Variants in FRAS1 observed in about 807,000 individuals in gnomAD.
The protein encoded by FRAS1 is extracellular matrix organizing protein FRAS1.
Under a neutral mutation model 435.2 loss-of-function variants are expected in FRAS1, and 290 were observed. That is an observed-to-expected ratio of 0.67 (90% CI 0.61 to 0.73). The LOEUF is 0.73. Among genes scored for constraint, FRAS1 ranks in the 30% least tolerant of loss-of-function variants. The pLI is 0.00. For missense variants in FRAS1, 4,860 were observed against 5,001.5 expected (o/e 0.97, Z 0.85); for synonymous variants, 1,800 against 1,851.0 (o/e 0.97, Z 0.71).
intron 9 of FRAS1, among the ~76,000 whole-genome samples, chr4:78,270,663 G>A (rs1726631095): frequency 6.6e-6 from 1 of 151,724 alleles, no homozygotes; most frequent in Admixed American, 6.6e-5. Context: ...TCTCTCATGT[G>A]TTTTGTCTTT....
chr4:78,160,160 A>G (rs1721078277), intron 2 of FRAS1, among the ~76,000 whole-genome samples: 1 of 152,226 alleles, frequency 6.6e-6, no homozygotes, highest in African/African-American at 2.4e-5. Context: ...TTAATGAGGA[A>G]AAAGGCAAGA....
chr4:78,109,733 T>C (rs1355106240), intron 2 of FRAS1, among the ~76,000 whole-genome samples: 1 of 50,430 alleles, frequency 2.0e-5, no homozygotes, highest in East Asian at 4.7e-4. Flanking sequence ...CAACATAGTG[T>C]TGGAAGTTCT....
intron 2 of FRAS1, among the ~76,000 whole-genome samples, chr4:78,120,000 T>G (rs1432731318): frequency 1.3e-5 from 2 of 152,212 alleles, no homozygotes; most frequent in Non-Finnish European, 2.9e-5. Flanking sequence ...TGAAACAGAA[T>G]TGTAAAATAT....
At chr4:78,178,864 C>T (rs999100325) in intron 2 of FRAS1, among the ~76,000 whole-genome samples, 1 of 152,132 alleles carries the variant, frequency 6.6e-6, no homozygotes, top group African/African-American at 2.4e-5. Flanking sequence ...AAATAGGATA[C>T]TGTATGTGGA....
At position 78,464,056 on chromosome 4, in the gene FRAS1, ACTT is replaced by A; in HGVS notation, c.6801_6803del (p.Ser2268del). The A allele has an allele frequency of 3.7e-6, 6 of 1,613,562 alleles. No individual in the cohort carries two copies. The highest frequency in any genetic ancestry group is 5.1e-6 in the Non-Finnish European group (6 of 1,179,792). ...TAGTTCCTTTACTCAAGCTGATCTG[ACTT>A]CACGAAATGTTCAGTATGTCCATTC... On this transcript the variant is annotated inframe_deletion, in exon 48 of 74. Transcript: ENST00000512123.
chr4:78,419,103 A>G (rs753525383), intron 33 of FRAS1, 40 bp downstream of exon 33: 2 of 1,172,730 alleles, frequency 1.7e-6, no homozygotes, highest in Non-Finnish European at 2.4e-6. Context: ...TGATATTATT[A>G]TCTTCTAGTT....
chr4:78,484,305 G>A (rs760749018), intron 58 of FRAS1, among the ~76,000 whole-genome samples: 17 of 152,054 alleles, frequency 1.1e-4, no homozygotes, highest in Non-Finnish European at 2.1e-4. Flanking sequence ...ATGACATTTG[G>A]GTTGTTCAAG....
At chr4:78,310,943 G>T (rs1014257325) in intron 15 of FRAS1, among the ~76,000 whole-genome samples, 1 of 152,208 alleles carries the variant, frequency 6.6e-6, no homozygotes, top group African/African-American at 2.4e-5. Flanking sequence ...ATGAAGGGTG[G>T]TATGCCCTGG....
intron 54 of FRAS1, among the ~76,000 whole-genome samples, chr4:78,476,702 C>A (rs1719861881): frequency 6.6e-6 from 1 of 152,166 alleles, no homozygotes; most frequent in African/African-American, 2.4e-5. Flanking sequence ...TCAGTGTATT[C>A]TAGATCTTAC....
intron 70 of FRAS1, among the ~76,000 whole-genome samples, chr4:78,529,475 C>G (rs1721647000): frequency 5.9e-5 from 9 of 152,150 alleles, no homozygotes; most frequent in Admixed American, 5.9e-4. Flanking sequence ...CATACTCCCT[C>G]TCTCTTCCCC....
chr4:78,226,506 G>T, intron 2 of FRAS1, among the ~76,000 whole-genome samples: 1 of 149,910 alleles, frequency 6.7e-6, no homozygotes. Flanking sequence ...TTAAAGATTT[G>T]TCTTCTGAGT....
At position 78,110,386 on chromosome 4, in the gene FRAS1, C is replaced by A. The variant is rs1364137232; in HGVS notation, c.108+44370C>A. ...CTACAGTAACCAAAACAGCATGGTA[C>A]TGGTACCAAAACAGAGATATAGATC... On this transcript the variant is annotated intron_variant, in intron 2 of 73. Transcript: ENST00000512123. Among the ~76,000 whole-genome samples, 15 of 125,620 alleles carry A rather than the reference C, an allele frequency of 1.2e-4. 1 individual carries two copies. The highest frequency in any genetic ancestry group is 4.9e-4 in the African/African-American group (15 of 30,692). The allele number at this position is 125,620 out of a possible 152,430, so 82.4% of individuals were successfully genotyped here.
At chr4:78,490,247 T>TGAGACAGA (rs1720308512) in intron 59 of FRAS1, among the ~76,000 whole-genome samples, 3 of 152,100 alleles carry the variant, frequency 2.0e-5, no homozygotes, top group African/African-American at 7.2e-5. Flanking sequence ...GACAGATCAA[T>TGAGACAGA]GAGACAGAAA....
chr4:78,195,810 A>G (rs1722785510), intron 2 of FRAS1, among the ~76,000 whole-genome samples: 1 of 152,082 alleles, frequency 6.6e-6, no homozygotes, highest in African/African-American at 2.4e-5. Flanking sequence ...CTCCCCAGTG[A>G]GATGCACCTG....
chr4:78,450,800 A>T (rs1045611933), intron 45 of FRAS1, among the ~76,000 whole-genome samples: 8 of 152,204 alleles, frequency 5.3e-5, no homozygotes, highest in African/African-American at 1.7e-4. Context: ...ATTACATGGC[A>T]CATCCCTCCA....
intron 67 of FRAS1, 21 bp downstream of exon 67, chr4:78,519,502 A>C: frequency 1.2e-6 from 2 of 1,601,914 alleles, no homozygotes; most frequent in Non-Finnish European, 1.7e-6. Flanking sequence ...TGACGCCTTA[A>C]CTATCCCTTT....
intron 26 of FRAS1, among the ~76,000 whole-genome samples, chr4:78,377,290 A>T (rs1731808394): frequency 6.6e-6 from 1 of 152,136 alleles, no homozygotes. Context: ...CATGGGAAAA[A>T]ATATTTTTGG....
intron 2 of FRAS1, among the ~76,000 whole-genome samples, chr4:78,218,197 C>T (rs1723886313): frequency 6.8e-6 from 1 of 147,360 alleles, no homozygotes; most frequent in South Asian, 2.2e-4. Context: ...CCTGGTTTCT[C>T]CTCTCTTGGA....
chr4:78,212,413 A>G (rs936667880), intron 2 of FRAS1, among the ~76,000 whole-genome samples: 3 of 152,128 alleles, frequency 2.0e-5, no homozygotes, highest in Non-Finnish European at 4.4e-5. Context: ...AGCTTAAGAA[A>G]GGGAGAGGCT....
Sources: gnomAD v4.1 joint callset for allele counts (sites outside exome capture counted in the v4.1 genomes callset) on GRCh38, gnomAD v4.1.1 for gene constraint, MANE v1.5 for transcripts, NCBI Gene and HGNC (gene_info 2026-07-23, HGNC 2026-07-21) for gene names.